Variants in NBAS observed in about 807,000 individuals in gnomAD.
NBAS encodes the protein NAG/BC035112 fusion.
Under a neutral mutation model 302.5 loss-of-function variants are expected in NBAS, and 219 were observed. The ratio of observed to expected loss-of-function variants is 0.72; its 90% confidence interval spans 0.65 to 0.81. The LOEUF (loss-of-function observed/expected upper bound fraction) is 0.81, where lower values mean the gene tolerates loss of function less well. NBAS is among the 30% of genes least tolerant of loss of function. The probability of loss-of-function intolerance (pLI) is 0.00; values close to 1 mark genes in which losing one functional copy is unlikely to be tolerated. For missense variants in NBAS, 2,932 were observed against 2,841.6 expected (o/e 1.03, Z -0.72); for synonymous variants, 1,118 against 1,021.6 (o/e 1.09, Z -1.80).
the NBAS span, among the ~76,000 whole-genome samples, chr2:14,795,878 C>T: frequency 6.6e-6 from 1 of 152,136 alleles, no homozygotes; most frequent in African/African-American, 2.4e-5. Context: ...GACAAAATTG[C>T]CCCTGATATT....
intron 6 of NBAS, among the ~76,000 whole-genome samples, chr2:15,540,888 A>T (rs1403299965): frequency 1.3e-5 from 2 of 151,632 alleles, no homozygotes; most frequent in African/African-American, 4.8e-5. Flanking sequence ...AGCCTGGCTA[A>T]TTTTTTTGTA....
chr2:15,098,000 TAA>T, the NBAS span, among the ~76,000 whole-genome samples: 1 of 86,836 alleles, frequency 1.2e-5, no homozygotes, highest in African/African-American at 5.1e-5. Context: ...ATATTGTATA[TAA>T]TATATATATT....
At chr2:15,155,855 T>C in the NBAS span, among the ~76,000 whole-genome samples, 8 of 152,186 alleles carry the variant, frequency 5.3e-5, no homozygotes, top group Admixed American at 5.2e-4. Flanking sequence ...CCTGGCTCCA[T>C]TGCGCAGATG....
chr2:15,035,116 GTTT>G, the NBAS span, among the ~76,000 whole-genome samples: 1 of 138,944 alleles, frequency 7.2e-6, no homozygotes, highest in African/African-American at 2.7e-5. Flanking sequence ...GGAGTGTGGG[GTTT>G]TTTTTTTTTT....
the NBAS span, among the ~76,000 whole-genome samples, chr2:14,960,818 C>T: frequency 3.3e-5 from 5 of 152,206 alleles, no homozygotes; most frequent in African/African-American, 1.2e-4. Context: ...CAAGATGAGT[C>T]ACCATTGTTT....
Position 15,471,956 on chromosome 2 carries a change from T to C in NBAS, c.1725+1266A>G, listed in dbSNP as rs376553166. Among the ~76,000 whole-genome samples, 12 of 152,332 alleles carry C rather than the reference T, an allele frequency of 7.9e-5. No individual in the cohort carries two copies. The East Asian group carries it at 2.1e-3, about 27-fold the overall frequency. On this transcript the variant is annotated intron_variant, in intron 16 of 51. Coordinates refer to ENST00000281513, the MANE Select transcript of NBAS (RefSeq NM_015909.4). ...TTGAAACCACATAGTCTGATATTTTTGTTGCAGCGGCTAAAACTAATTGAG... is the reference window on the plus strand; with the variant it reads ...TTGAAACCACATAGTCTGATATTTTCGTTGCAGCGGCTAAAACTAATTGAG...
intron 11 of NBAS, among the ~76,000 whole-genome samples, chr2:15,497,665 A>G (rs1239541289): frequency 1.3e-5 from 2 of 152,182 alleles, no homozygotes; most frequent in East Asian, 3.8e-4. Flanking sequence ...ACAAATCTGA[A>G]GTGCAGAGGA....
At chr2:15,554,209 A>G in intron 3 of NBAS, 71 bp from the exon 4 acceptor site, 1 of 1,205,466 alleles carries the variant, frequency 8.3e-7, no homozygotes, top group Non-Finnish European at 1.2e-6. Context: ...CAAATAGCAC[A>G]TATACTTATA....
the NBAS span, among the ~76,000 whole-genome samples, chr2:14,801,613 C>G: frequency 6.6e-6 from 1 of 151,852 alleles, no homozygotes. Flanking sequence ...ATTCTATTCC[C>G]TGTAATTTTG....
the NBAS span, among the ~76,000 whole-genome samples, chr2:15,026,115 C>T: frequency 6.6e-6 from 1 of 151,382 alleles, no homozygotes; most frequent in African/African-American, 2.4e-5. Context: ...TCCTTTGATG[C>T]CTAGTTTATT....
chr2:15,484,328 T>G (rs993944811), intron 12 of NBAS, among the ~76,000 whole-genome samples: 1 of 152,214 alleles, frequency 6.6e-6, no homozygotes, highest in Non-Finnish European at 1.5e-5. Flanking sequence ...GTAGATATTC[T>G]GAAAAAAGGC....
the NBAS span, among the ~76,000 whole-genome samples, chr2:15,050,587 A>G: frequency 6.6e-6 from 1 of 152,212 alleles, no homozygotes; most frequent in South Asian, 2.1e-4. Flanking sequence ...GGATTGTGAT[A>G]CCACAGCAGA....
chr2:15,067,468 AG>A, the NBAS span, among the ~76,000 whole-genome samples: 1 of 114,612 alleles, frequency 8.7e-6, no homozygotes, highest in African/African-American at 3.6e-5. Context: ...AGGAGGGGAG[AG>A]GAGGGGAGAG....
At chr2:15,415,464 C>G (rs1294414377) in intron 25 of NBAS, 82 bp downstream of exon 25, 1 of 1,258,624 alleles carries the variant, frequency 7.9e-7, no homozygotes, top group African/African-American at 1.5e-5. Context: ...TCTGCAAAGC[C>G]TACCATAAAA....
intron 23 of NBAS, among the ~76,000 whole-genome samples, chr2:15,423,059 G>GT (rs984808628): frequency 6.5e-4 from 99 of 152,022 alleles, no homozygotes; most frequent in African/African-American, 1.5e-3. Flanking sequence ...TTTTTTTACA[G>GT]TTTTTTTTAT....
chr2:15,193,105 T>C (rs959844881), intron 48 of NBAS, among the ~76,000 whole-genome samples: 3 of 152,180 alleles, frequency 2.0e-5, no homozygotes, highest in African/African-American at 7.2e-5. Flanking sequence ...ATGTATTTGA[T>C]AAATTATTTT....
chr2:15,397,895 C>T (rs1675948780), intron 26 of NBAS: 1 of 177,678 alleles, frequency 5.6e-6, no homozygotes, highest in African/African-American at 2.4e-5. Context: ...AAAAAACCCT[C>T]ATTATTTTTA....
chr2:15,556,017 T>A (rs796123396), intron 3 of NBAS, among the ~76,000 whole-genome samples: 7 of 152,118 alleles, frequency 4.6e-5, no homozygotes, highest in African/African-American at 1.7e-4. Context: ...CTCTATCCTA[T>A]CATATCCCAC....
chr2:14,811,822 A>G, the NBAS span, among the ~76,000 whole-genome samples: 1 of 152,216 alleles, frequency 6.6e-6, no homozygotes, highest in Non-Finnish European at 1.5e-5. Flanking sequence ...GAAAGAGGTT[A>G]GCAGAATAGA....
Sources: gnomAD v4.1 joint callset for allele counts (sites outside exome capture counted in the v4.1 genomes callset) on GRCh38, gnomAD v4.1.1 for gene constraint, MANE v1.5 for transcripts, NCBI Gene and HGNC (gene_info 2026-07-23, HGNC 2026-07-21) for gene names.